CD300C: variants seen among roughly 807,000 people sequenced by gnomAD.
CD300C encodes CD300c molecule.
A neutral mutation model predicts 18.4 loss-of-function variants in CD300C; 11 were observed. That is an observed-to-expected ratio of 0.60 (90% CI 0.38 to 0.99). The LOEUF is 0.99. Ranked by LOEUF, CD300C falls within the 50% of genes least tolerant of loss-of-function variation. The pLI is 0.01. For synonymous variants in CD300C, 116 were observed against 116.3 expected (o/e 1.00, Z 0.02); for missense variants, 277 against 287.4 (o/e 0.96, Z 0.26).
chr17:74,541,784 C>T (rs1310268274), intron 3 of CD300C, 48 bp from the exon 4 acceptor site: 3 of 1,575,926 alleles, frequency 1.9e-6, no homozygotes, highest in Admixed American at 1.9e-5. Context: ...CAGGGGAGGC[C>T]CAGGTGCCCT....
At chr17:74,537,436 G>A, downstream of CD300C, among the ~76,000 whole-genome samples, 1 of 151,990 alleles carries the variant, frequency 6.6e-6, no homozygotes, top group Middle Eastern at 3.2e-3. Context: ...TGGATCACGA[G>A]GTCAGGAGAT....
At position 74,542,879 on chromosome 17, in the gene CD300C, T is replaced by G; in HGVS notation, c.509A>C (p.Glu170Ala). Residue 170 changes from glutamate (E) to alanine (A), a missense_variant, in exon 3 of 4, where the codon GAA becomes GCA. Physicochemically the swap from Glu to Ala is moderately radical, Grantham distance 107. Coordinates refer to ENST00000330793, the MANE Select transcript of CD300C (RefSeq NM_006678.5). The part of the protein sequence containing the change: ...WPSVTRKDSP[E>A]PSPHPGSLFS... The stretch of plus-strand genomic sequence containing the variant: ...ACCTTACCCAGGGTGTGGGCTGGGT[T>G]CGGGGCTGTCCTTTCTGGTCACGCT... 6.2e-7 allele frequency: 1 copy of G among 1,608,402 alleles called. No individual in the cohort carries two copies. The highest frequency in any genetic ancestry group is 8.5e-7 in the Non-Finnish European group (1 of 1,179,972).
chr17:74,535,417 C>A, the CD300C span, among the ~76,000 whole-genome samples: 1 of 143,468 alleles, frequency 7.0e-6, no homozygotes, highest in Non-Finnish European at 1.5e-5. Context: ...TGCAGTGAGC[C>A]GAGATTGCAC....
chr17:74,543,117 G>A, intron 2 of CD300C, 130 bp from the exon 3 acceptor site: 1 of 1,284,828 alleles, frequency 7.8e-7, no homozygotes, highest in East Asian at 2.3e-5. Flanking sequence ...CATCCATCAT[G>A]CCCCACGGCC....
chr17:74,544,818 C>G lies in CD300C; in HGVS notation c.191G>C (p.Arg64Pro). Reference protein sequence around the residue: ...KFWCRPPQILRCDKIVETKGS... With the variant: ...KFWCRPPQILPCDKIVETKGS... Reference sequence around the variant, plus strand: ...TTTGGTCTCCACAATCTTGTCACATCGGAGAATCTGTGGTGGTCTGCACCA... The same window carrying G: ...TTTGGTCTCCACAATCTTGTCACATGGGAGAATCTGTGGTGGTCTGCACCA... Residue 64 changes from arginine (R) to proline (P), a missense_variant, in exon 2 of 4, where the codon CGA becomes CCA. Arg to Pro is a moderately radical substitution (Grantham distance 103). Transcript: ENST00000330793. The G allele has an allele frequency of 1.2e-6, 2 of 1,614,254 alleles. No homozygotes were observed. Among genetic ancestry groups the G allele is most frequent in the Non-Finnish European group, 1.7e-6 (2 of 1,180,048 alleles).
Position 74,546,086 on chromosome 17 carries a change from C to T in CD300C, c.-304G>A. On this transcript the variant is annotated 5_prime_UTR_variant, in exon 1 of 4. Coordinates refer to ENST00000330793, the MANE Select transcript of CD300C (RefSeq NM_006678.5). ...GCAGCCACTTCCCCACAGCCCACAG[C>T]TTCTGGCTTCAGTGTGTTACTCACA... The T allele has an allele frequency of 2.8e-6, 1 of 361,632 alleles. No individual in the cohort carries two copies. The allele number at this position is 361,632 out of a possible 1,614,324, so 22.4% of individuals were successfully genotyped here. A position where few individuals can be genotyped will look rare whatever the true frequency, so the allele number is the denominator to read the frequency against.
At chr17:74,535,906 G>A in the CD300C span, among the ~76,000 whole-genome samples, 3 of 152,110 alleles carry the variant, frequency 2.0e-5, no homozygotes, top group Non-Finnish European at 2.9e-5. Context: ...ATAATAGAGT[G>A]GTTAGAAAAA....
In CD300C at chr17:74,545,849, CCA is replaced by C; in HGVS notation, c.-69_-68del. 1 of 1,251,764 alleles carries C rather than the reference CCA, an allele frequency of 8.0e-7. No individual in the cohort carries two copies. Among genetic ancestry groups the C allele is most frequent in the South Asian group, 1.3e-5 (1 of 79,020 alleles). 77.5% of individuals were successfully genotyped at this position (1,251,764 alleles called of 1,614,324 possible). A position where few individuals can be genotyped will look rare whatever the true frequency, so the allele number is the denominator to read the frequency against. The stretch of plus-strand genomic sequence containing the variant: ...GGAGGGGACAAAATGTAATCTCCTC[CCA>C]GCAGATCTGAGCTTCGCTTCTGCTT... On this transcript the variant is annotated 5_prime_UTR_variant, in exon 1 of 4. Coordinates refer to ENST00000330793, the MANE Select transcript of CD300C (RefSeq NM_006678.5).
chr17:74,541,144 A>G lies in CD300C; in HGVS notation c.*445T>C, dbSNP rs1341359173. On this transcript the variant is annotated 3_prime_UTR_variant, in exon 4 of 4. Transcript: ENST00000330793. The stretch of plus-strand genomic sequence containing the variant: ...TCATTTATTAAAGTTTGAAAGCATC[A>G]TTGAATCGACACACTCAGCAAATGG... The G allele has an allele frequency of 6.0e-6, 1 of 166,530 alleles. No homozygotes were observed. Among genetic ancestry groups the G allele is most frequent in the Non-Finnish European group, 1.3e-5 (1 of 75,980 alleles). The allele number at this position is 166,530 out of a possible 1,614,324, so 10.3% of individuals were successfully genotyped here. A position where few individuals can be genotyped will look rare whatever the true frequency, so the allele number is the denominator to read the frequency against.
At chr17:74,543,677 C>CG (rs1908642163) in intron 2 of CD300C, among the ~76,000 whole-genome samples, 1 of 152,128 alleles carries the variant, frequency 6.6e-6, no homozygotes, top group Non-Finnish European at 1.5e-5. Context: ...ACGTCGCCCC[C>CG]GGGGAAATGG....
downstream of CD300C, among the ~76,000 whole-genome samples, chr17:74,537,689 A>T (rs1014665568): frequency 6.6e-5 from 10 of 152,116 alleles, no homozygotes; most frequent in Admixed American, 1.3e-4. Flanking sequence ...AATGCCTAAT[A>T]CTATTCACAG....
downstream of CD300C, among the ~76,000 whole-genome samples, chr17:74,539,898 C>G (rs1470701792): frequency 6.6e-6 from 1 of 152,226 alleles, no homozygotes; most frequent in Non-Finnish European, 1.5e-5. Flanking sequence ...AGTATCTTGT[C>G]CTGATCACAG....
In CD300C at chr17:74,544,734, C is replaced by T. The variant is rs1032111265; in HGVS notation, c.275G>A (p.Ser92Asn). ...GAGATTCTCCAGGGTCACTGTGAAGCTGAGGTTTGCAGGACTGTCCCTGAT... is the reference window on the plus strand; with the variant it reads ...GAGATTCTCCAGGGTCACTGTGAAGTTGAGGTTTGCAGGACTGTCCCTGAT... ...VSIRDSPANL[S>N]FTVTLENLTE... Residue 92 changes from serine (S) to asparagine (N), a missense_variant, in exon 2 of 4, where the codon AGC (serine) becomes AAC (asparagine). Physicochemically the swap from Ser to Asn is conservative, Grantham distance 46. Coordinates refer to ENST00000330793, the MANE Select transcript of CD300C (RefSeq NM_006678.5). The T allele has an allele frequency of 6.2e-7, 1 of 1,614,264 alleles. No homozygotes were observed. Among genetic ancestry groups the T allele is most frequent in the Non-Finnish European group, 8.5e-7 (1 of 1,180,046 alleles).
At position 74,545,814 on chromosome 17, in the gene CD300C, C is replaced by G; in HGVS notation, c.-32G>C. 6.3e-7 allele frequency: 1 copy of G among 1,587,646 alleles called. No individual in the cohort carries two copies. Among genetic ancestry groups the G allele is most frequent in the Non-Finnish European group, 8.6e-7 (1 of 1,162,846 alleles). ...AACACGAATGTCACCTGCCACTGTG[C>G]AAGACCCCAGGAGGGGACAAAATGT... On this transcript the variant is annotated 5_prime_UTR_variant, in exon 1 of 4. Coordinates refer to ENST00000330793, the MANE Select transcript of CD300C (RefSeq NM_006678.5).
downstream of CD300C, among the ~76,000 whole-genome samples, chr17:74,537,085 G>A (rs1389027341): frequency 6.6e-6 from 1 of 150,994 alleles, no homozygotes. Context: ...GGAGAAGTAG[G>A]CAGAAGAGTA....
chr17:74,544,585 G>C, intron 2 of CD300C, 24 bp downstream of exon 2: 1 of 1,595,860 alleles, frequency 6.3e-7, no homozygotes, highest in Non-Finnish European at 8.6e-7. Flanking sequence ...GGCAGGCCTG[G>C]TGCTGAGAAA....
chr17:74,542,861 C>T lies in CD300C; in HGVS notation c.527G>A (p.Gly176Asp), dbSNP rs1313311162. 1.9e-6 allele frequency: 3 copies of T among 1,605,456 alleles called. No homozygotes were observed. Among genetic ancestry groups the T allele is most frequent in the African/African-American group, 1.3e-5 (1 of 75,004 alleles). ...CCAGTCCTATGCGCAGGCACCTTACCCAGGGTGTGGGCTGGGTTCGGGGCT... is the reference window on the plus strand; with the variant it reads ...CCAGTCCTATGCGCAGGCACCTTACTCAGGGTGTGGGCTGGGTTCGGGGCT... ...KDSPEPSPHP[G>D]SLFSNVRFLL... Residue 176 changes from glycine to aspartate, a missense_variant and splice_region_variant, in exon 3 of 4, where the codon GGC (glycine) becomes GAC (aspartate). By Grantham distance (94) the Gly-to-Asp change is moderately conservative (BLOSUM62 -1). Coordinates refer to ENST00000330793, the MANE Select transcript of CD300C (RefSeq NM_006678.5).
rs1908751973 is a variant in CD300C, at chr17:74,546,102, G to C, written c.-320C>G. ...AGCCCACAGCTTCTGGCTTCAGTGT[G>C]TTACTCACACTGCAGAAGGCAGAGC... On this transcript the variant is annotated 5_prime_UTR_variant, in exon 1 of 4. Transcript: ENST00000330793. 1 of 321,750 alleles carries C rather than the reference G, an allele frequency of 3.1e-6. No individual in the cohort carries two copies. The highest frequency in any genetic ancestry group is 6.0e-6 in the Non-Finnish European group (1 of 167,804). 19.9% of individuals were successfully genotyped at this position (321,750 alleles called of 1,614,324 possible).
chr17:74,541,222 T>C lies in CD300C; in HGVS notation c.*367A>G. 4.5e-6 allele frequency: 1 copy of C among 220,390 alleles called. No homozygotes were observed. Among genetic ancestry groups the C allele is most frequent in the Non-Finnish European group, 9.2e-6 (1 of 108,544 alleles). The allele number at this position is 220,390 out of a possible 1,614,324, so 13.7% of individuals were successfully genotyped here. On this transcript the variant is annotated 3_prime_UTR_variant, in exon 4 of 4. Coordinates refer to ENST00000330793, the MANE Select transcript of CD300C (RefSeq NM_006678.5). Reference sequence around the variant, plus strand: ...ACCCAGGGAGTGTGGGCCATTATGGTGGCAAAGGTGCAGGGGAGTCCTAGA... The same window carrying C: ...ACCCAGGGAGTGTGGGCCATTATGGCGGCAAAGGTGCAGGGGAGTCCTAGA...
Sources: allele counts gnomAD v4.1 joint callset (sites outside exome capture counted in the v4.1 genomes callset), GRCh38; gene constraint gnomAD v4.1.1; transcripts MANE v1.5; gene names NCBI Gene and HGNC (gene_info 2026-07-23, HGNC 2026-07-21).